The following ADGRE1 variants were observed in gnomAD, a reference collection of about 807,000 sequenced individuals.
The protein encoded by ADGRE1 is adhesion G protein-coupled receptor E1.
A neutral mutation model predicts 102.7 loss-of-function variants in ADGRE1; 82 were observed. That is an observed-to-expected ratio of 0.80 (90% CI 0.67 to 0.96). The LOEUF is 0.96. ADGRE1 is among the 40% of genes least tolerant of loss of function. The pLI is 0.00. For missense variants in ADGRE1, 1,032 were observed against 1,085.3 expected, an observed-to-expected ratio of 0.95 and a Z score of 0.69; for synonymous variants, 398 against 399.6, an observed-to-expected ratio of 1.00 and a Z score of 0.05.
At chr19:6,922,443 C>T (rs1008193450) in intron 14 of ADGRE1, among the ~76,000 whole-genome samples, 9 of 150,912 alleles carry the variant, frequency 6.0e-5, no homozygotes, top group African/African-American at 1.5e-4. Context: ...GTGAAACCCC[C>T]GTCTCTACTA....
At chr19:6,901,741 G>A in intron 5 of ADGRE1, 134 bp from the exon 6 acceptor site, 1 of 925,864 alleles carries the variant, frequency 1.1e-6, no homozygotes, top group South Asian at 1.6e-5. Context: ...CTGGGAAGAA[G>A]GGGGGAACAT....
intron 13 of ADGRE1, among the ~76,000 whole-genome samples, chr19:6,920,516 C>CGTTTT (rs1974612981): frequency 1.3e-5 from 1 of 75,736 alleles, no homozygotes; most frequent in Non-Finnish European, 2.4e-5. Flanking sequence ...ACCATGCCCG[C>CGTTTT]TTTTTTTTTT....
Position 6,928,229 on chromosome 19 carries a change from C to T in ADGRE1, c.2289+18C>T, listed in dbSNP as rs781022042. ...TTATAGTGGTAAGCAAATACTACAA[C>T]AGCCTGGCGAAGTGTGTTCTGAAGG... On this transcript the variant is annotated intron_variant, in intron 17 of 20. Transcript: ENST00000312053. The T allele has an allele frequency of 6.2e-7, 1 of 1,614,164 alleles. No homozygotes were observed. The highest frequency in any genetic ancestry group is 2.2e-5 in the East Asian group (1 of 44,886).
rs2099123378 is a variant in ADGRE1 at position 6,937,230 on chromosome 19, ATCT to A, written c.2382-9_2382-7del. 1 of 1,610,412 alleles carries A rather than the reference ATCT, an allele frequency of 6.2e-7. No homozygotes were observed. Among genetic ancestry groups the A allele is most frequent in the African/African-American group, 1.3e-5 (1 of 74,852 alleles). On this transcript the variant is annotated splice_polypyrimidine_tract_variant and intron_variant, in intron 18 of 20. Coordinates refer to ENST00000312053, the MANE Select transcript of ADGRE1 (RefSeq NM_001974.5). Reference sequence around the variant, plus strand: ...CCTCCCAGAGCCTTACATGCTGTACATCTTCTCCCCAGGTTACTGACCTTCAAG... The same window carrying A: ...CCTCCCAGAGCCTTACATGCTGTACATCTCCCCAGGTTACTGACCTTCAAG...
At chr19:6,887,867 G>A (rs1704580484) in intron 1 of ADGRE1, among the ~76,000 whole-genome samples, 1 of 152,174 alleles carries the variant, frequency 6.6e-6, no homozygotes. Flanking sequence ...CAAGTCCTGT[G>A]TGTCAGGTGC....
intron 17 of ADGRE1, chr19:6,928,729 G>A (rs1242576852): frequency 1.3e-5 from 2 of 158,084 alleles, no homozygotes; most frequent in Non-Finnish European, 2.8e-5. Flanking sequence ...GAGGTCAGGA[G>A]TTCAAGACCA....
intron 17 of ADGRE1, among the ~76,000 whole-genome samples, chr19:6,931,142 C>T (rs374933684): frequency 7.2e-5 from 11 of 152,080 alleles, no homozygotes; most frequent in African/African-American, 2.2e-4. Flanking sequence ...ATGAGTTCAC[C>T]TGTTTTAAAT....
chr19:6,926,960 G>A (rs1406410494), intron 16 of ADGRE1, among the ~76,000 whole-genome samples: 2 of 151,952 alleles, frequency 1.3e-5, no homozygotes, highest in Non-Finnish European at 1.5e-5. Context: ...TCGGGAGGCC[G>A]AAGCAGAAGA....
chr19:6,908,624 C>T (rs1319793262), intron 9 of ADGRE1, 65 bp from the exon 10 acceptor site: 2 of 1,418,092 alleles, frequency 1.4e-6, no homozygotes, highest in African/African-American at 1.5e-5. Flanking sequence ...TTGTAGATTA[C>T]ATGCTTGGGG....
chr19:6,934,765 T>C (rs200110031), intron 17 of ADGRE1, among the ~76,000 whole-genome samples: 10,235 of 111,642 alleles, frequency 0.092, 675 homozygotes, highest in African/African-American at 0.27. Flanking sequence ...GCATGGCTAA[T>C]TTTTTTTTTT....
Position 6,901,880 on chromosome 19 carries a change from G to A in ADGRE1, c.520G>A (p.Asp174Asn), listed in dbSNP as rs897738. The change falls in exon 6 of 21, where the codon GAT (aspartate) becomes AAT (asparagine). Residue 174 changes from aspartate to asparagine, a missense_variant. By Grantham distance (23) the Asp-to-Asn change is conservative. Coordinates refer to ENST00000312053, the MANE Select transcript of ADGRE1 (RefSeq NM_001974.5). ...ISRNSTCEDV[D>N]ECADPRACPE... ...TTTTCTCTTCCACTCTTCAGACGTG[G>A]ATGAATGTGCAGATCCAAGAGCTTG... 456,876 of 1,613,676 alleles carry A rather than the reference G, an allele frequency of 0.28. 71,956 individuals are homozygous for A. Among genetic ancestry groups the A allele is most frequent in the African/African-American group, 0.61 (45,438 of 74,932 alleles).
chr19:6,913,338 C>G (rs1408357381), intron 10 of ADGRE1, among the ~76,000 whole-genome samples: 1 of 152,074 alleles, frequency 6.6e-6, no homozygotes, highest in African/African-American at 2.4e-5. Flanking sequence ...GCCACCATGC[C>G]CGGCTAAATT....
intron 14 of ADGRE1, 62 bp from the exon 15 acceptor site, chr19:6,924,616 C>G (rs1429532583): frequency 6.6e-7 from 1 of 1,508,542 alleles, no homozygotes; most frequent in Non-Finnish European, 9.1e-7. Flanking sequence ...GATAACTCTT[C>G]TTCCCGCCTG....
At position 6,937,426 on chromosome 19, in the gene ADGRE1, C is replaced by A; in HGVS notation, c.2550+15C>A. On this transcript the variant is annotated intron_variant, in intron 19 of 20. Transcript: ENST00000312053. ...TCAACGGCCAGGTGTGTAGCTGCTG[C>A]CCTCCCCATCCCCCTCCTCCCATCC... 1 of 1,608,330 alleles carries A rather than the reference C, an allele frequency of 6.2e-7. No homozygotes were observed. Among genetic ancestry groups the A allele is most frequent in the Non-Finnish European group, 8.5e-7 (1 of 1,177,090 alleles).
chr19:6,904,697 G>A (rs929175306), intron 8 of ADGRE1, among the ~76,000 whole-genome samples: 2 of 151,884 alleles, frequency 1.3e-5, no homozygotes, highest in Non-Finnish European at 2.9e-5. Context: ...TAGTAGAGAC[G>A]GTGTTTCACC....
At chr19:6,927,264 T>C (rs1473705557) in intron 16 of ADGRE1, among the ~76,000 whole-genome samples, 5 of 124,170 alleles carry the variant, frequency 4.0e-5, no homozygotes, top group African/African-American at 1.5e-4. Context: ...CTCCCTCCCT[T>C]CCTTCCTTGC....
At chr19:6,937,118 C>A in intron 18 of ADGRE1, 125 bp from the exon 19 acceptor site, 1 of 1,047,222 alleles carries the variant, frequency 9.5e-7, no homozygotes, top group Non-Finnish European at 1.4e-6. Context: ...GAGACCCCAC[C>A]CTACATTTGT....
At chr19:6,920,166 G>A (rs534363537) in intron 13 of ADGRE1, among the ~76,000 whole-genome samples, 9 of 152,068 alleles carry the variant, frequency 5.9e-5, no homozygotes, top group African/African-American at 1.7e-4. Flanking sequence ...GATTGGATCC[G>A]GCCATGGGGT....
rs1270159640 is a variant in ADGRE1 at position 6,928,091 on chromosome 19, C to T, written c.2223-54C>T. On this transcript the variant is annotated intron_variant, in intron 16 of 20. Coordinates refer to ENST00000312053, the MANE Select transcript of ADGRE1 (RefSeq NM_001974.5). The stretch of plus-strand genomic sequence containing the variant: ...AGGGCATTTGTTGGGACAGGGTTAA[C>T]TGTAAGGTCAGGACTCTGAGACAAG... 3 of 1,577,628 alleles carry T rather than the reference C, an allele frequency of 1.9e-6. No individual in the cohort carries two copies. The African/African-American group carries it at 4.1e-5, about 21-fold the overall frequency.
Sources: allele counts gnomAD v4.1 joint callset (sites outside exome capture counted in the v4.1 genomes callset), GRCh38; gene constraint gnomAD v4.1.1; transcripts MANE v1.5; gene names NCBI Gene and HGNC (gene_info 2026-07-23, HGNC 2026-07-21).